DEPDC1B: variants seen among roughly 807,000 people sequenced by gnomAD.
The protein encoded by DEPDC1B is DEP domain-containing protein 1B.
In DEPDC1B, 51 loss-of-function variants were observed where a neutral mutation model predicts 66.5. That is an observed-to-expected ratio of 0.77 (90% CI 0.61 to 0.97). DEPDC1B has a LOEUF of 0.97. Ranked by LOEUF, DEPDC1B falls within the 50% of genes least tolerant of loss-of-function variation. DEPDC1B has a pLI of 0.00. For synonymous variants in DEPDC1B, 226 were observed against 223.6 expected (o/e 1.01, Z -0.10); for missense variants, 552 against 637.1 (o/e 0.87, Z 1.44).
intron 7 of DEPDC1B, among the ~76,000 whole-genome samples, chr5:60,617,995 C>T (rs1031032551): frequency 5.3e-5 from 8 of 152,244 alleles, no homozygotes; most frequent in Non-Finnish European, 8.8e-5. Context: ...CACTCAAAAC[C>T]GCTCGACTAC....
At chr5:60,664,877 T>C (rs1753802895) in intron 2 of DEPDC1B, among the ~76,000 whole-genome samples, 1 of 152,146 alleles carries the variant, frequency 6.6e-6, no homozygotes, top group Non-Finnish European at 1.5e-5. Context: ...AGAAAGGGAA[T>C]TCCTAACTTC....
chr5:60,626,610 T>G (rs1752813598), intron 7 of DEPDC1B, among the ~76,000 whole-genome samples: 1 of 152,120 alleles, frequency 6.6e-6, no homozygotes, highest in African/African-American at 2.4e-5. Flanking sequence ...CATTTTACAC[T>G]GCAATAATAA....
chr5:60,657,462 T>C (rs1753604542), intron 2 of DEPDC1B, among the ~76,000 whole-genome samples: 1 of 152,370 alleles, frequency 6.6e-6, no homozygotes, highest in Non-Finnish European at 1.5e-5. Flanking sequence ...GATTTAGAGC[T>C]CCTTTTAGCA....
intron 2 of DEPDC1B, among the ~76,000 whole-genome samples, chr5:60,652,114 A>G (rs1171729312): frequency 6.7e-6 from 1 of 149,556 alleles, no homozygotes; most frequent in Non-Finnish European, 1.5e-5. Context: ...CCAAATATGC[A>G]TATTTAATAA....
At chr5:60,607,297 A>G (rs1440856710) in intron 7 of DEPDC1B, among the ~76,000 whole-genome samples, 2 of 152,218 alleles carry the variant, frequency 1.3e-5, no homozygotes, top group Admixed American at 1.3e-4. Context: ...TGGACGGGAA[A>G]GGAGGGCAGA....
intron 2 of DEPDC1B, among the ~76,000 whole-genome samples, chr5:60,671,987 A>G (rs1754050851): frequency 6.6e-6 from 1 of 152,226 alleles, no homozygotes; most frequent in South Asian, 2.1e-4. Flanking sequence ...TACTGGTGGA[A>G]CACAGCCATG....
At chr5:60,601,751 A>T (rs1752202805) in intron 9 of DEPDC1B, among the ~76,000 whole-genome samples, 1 of 152,222 alleles carries the variant, frequency 6.6e-6, no homozygotes. Context: ...TGATGATACC[A>T]ACAACAAAGG....
chr5:60,657,637 G>T (rs1753608119), intron 2 of DEPDC1B, among the ~76,000 whole-genome samples: 2 of 152,280 alleles, frequency 1.3e-5, no homozygotes, highest in African/African-American at 4.8e-5. Flanking sequence ...CTTCTAGCTT[G>T]CAGGGTTTCT....
At position 60,642,862 on chromosome 5, in the gene DEPDC1B, G is replaced by A. The variant is rs1302735561; in HGVS notation, c.710-3C>T. The A allele has an allele frequency of 1.9e-6, 3 of 1,608,854 alleles. No homozygotes were observed. The Admixed American group carries it at 5.1e-5, about 27-fold the overall frequency. On this transcript the variant is annotated splice_region_variant and splice_polypyrimidine_tract_variant and intron_variant, in intron 5 of 10. Coordinates refer to ENST00000265036, the MANE Select transcript of DEPDC1B (RefSeq NM_018369.3). ...CAGCACCCAATGAGGAAGTTCTTCTGAAGGAAAAAGAAAATTTGTACTCAA... is the reference window on the plus strand; with the variant it reads ...CAGCACCCAATGAGGAAGTTCTTCTAAAGGAAAAAGAAAATTTGTACTCAA...
At chr5:60,682,372 C>T (rs574350001) in intron 2 of DEPDC1B, among the ~76,000 whole-genome samples, 16 of 152,086 alleles carry the variant, frequency 1.1e-4, no homozygotes, top group East Asian at 3.9e-4. Context: ...TTGTGGGGTG[C>T]GGGGAGCAGG....
At chr5:60,615,771 G>A (rs529386553) in intron 7 of DEPDC1B, among the ~76,000 whole-genome samples, 2 of 152,322 alleles carry the variant, frequency 1.3e-5, no homozygotes, top group East Asian at 1.9e-4. Context: ...AAATGTCACT[G>A]TCTGACAGCC....
intron 2 of DEPDC1B, among the ~76,000 whole-genome samples, chr5:60,675,369 G>A (rs2111997413): frequency 6.6e-6 from 1 of 152,254 alleles, no homozygotes; most frequent in African/African-American, 2.4e-5. Flanking sequence ...GGAGATGTGG[G>A]TACAGACTCT....
Position 60,609,383 on chromosome 5 carries a change from GCTACTAT to G in DEPDC1B, c.899-3534_899-3528del, listed in dbSNP as rs200556101. ...ATTTCCTGTGAAAACAGAAGCCTAT[GCTACTAT>G]CTCTTCCTCCTTTAAATCCATAATC... is the stretch of plus-strand genomic sequence containing the variant. On this transcript the variant is annotated intron_variant, in intron 7 of 10. Coordinates refer to ENST00000265036, the MANE Select transcript of DEPDC1B (RefSeq NM_018369.3). Among the ~76,000 whole-genome samples the G allele has an allele frequency of 7.9e-5, 12 of 152,232 alleles. No homozygotes were observed. In the East Asian group the frequency reaches 2.3e-3, roughly 29 times the overall value.
At chr5:60,611,519 G>C (rs1752413737) in intron 7 of DEPDC1B, among the ~76,000 whole-genome samples, 1 of 152,336 alleles carries the variant, frequency 6.6e-6, no homozygotes, top group African/African-American at 2.4e-5. Flanking sequence ...TAGGCCTCTG[G>C]TGCCAAACAG....
At chr5:60,622,193 CCGCCCCCCCAAAGAAT>C (rs1752719978) in intron 7 of DEPDC1B, among the ~76,000 whole-genome samples, 1 of 152,100 alleles carries the variant, frequency 6.6e-6, no homozygotes, top group African/African-American at 2.4e-5. Context: ...TAAAACTCTT[CCGCCCCCCCAAAGAAT>C]CTACTGGTGC....
At chr5:60,668,024 TAA>T (rs1753918727) in intron 2 of DEPDC1B, among the ~76,000 whole-genome samples, 2 of 109,908 alleles carry the variant, frequency 1.8e-5, no homozygotes, top group African/African-American at 4.2e-5. Context: ...TATATATATA[TAA>T]AATGGATATT....
At chr5:60,655,000 T>C (rs1209304853) in intron 2 of DEPDC1B, among the ~76,000 whole-genome samples, 1 of 149,450 alleles carries the variant, frequency 6.7e-6, no homozygotes, top group South Asian at 2.2e-4. Context: ...GGATTATCTT[T>C]TTGATATGCT....
At chr5:60,671,541 G>A (rs984789504) in intron 2 of DEPDC1B, among the ~76,000 whole-genome samples, 3 of 152,156 alleles carry the variant, frequency 2.0e-5, no homozygotes, top group African/African-American at 7.2e-5. Context: ...ATCAGCCCGG[G>A]GAAATTTTCA....
chr5:60,628,679 T>C (rs1360816354), intron 7 of DEPDC1B: 1 of 152,186 alleles, frequency 6.6e-6, no homozygotes, highest in African/African-American at 2.4e-5. Flanking sequence ...TTGGAAATTG[T>C]TTAAAATTAG....
Sources: gnomAD v4.1 joint callset for allele counts (sites outside exome capture counted in the v4.1 genomes callset) on GRCh38, gnomAD v4.1.1 for gene constraint, MANE v1.5 for transcripts, NCBI Gene and HGNC (gene_info 2026-07-23, HGNC 2026-07-21) for gene names.